CDH18: variants seen among roughly 807,000 people sequenced by gnomAD.
CDH18 encodes the protein cadherin 18.
A neutral mutation model predicts 67.9 loss-of-function variants in CDH18; 31 were observed. That is an observed-to-expected ratio of 0.46 (90% CI 0.34 to 0.62). CDH18 has a LOEUF of 0.62. CDH18 is among the 20% of genes least tolerant of loss of function. The probability of loss-of-function intolerance (pLI) is 0.01; values close to 1 mark genes in which losing one functional copy is unlikely to be tolerated. For synonymous variants in CDH18, 362 were observed against 347.2 expected (o/e 1.04, Z -0.48); for missense variants, 890 against 975.5 (o/e 0.91, Z 1.17).
intron 2 of CDH18, among the ~76,000 whole-genome samples, chr5:20,254,546 C>G (rs918047523): frequency 2.6e-5 from 4 of 152,132 alleles, no homozygotes; most frequent in African/African-American, 7.2e-5. Flanking sequence ...ACTAGAACAG[C>G]CTTACAAGAG....
chr5:20,401,406 C>T (rs569600400), intron 1 of CDH18, among the ~76,000 whole-genome samples: 2 of 152,134 alleles, frequency 1.3e-5, no homozygotes, highest in East Asian at 3.9e-4. Context: ...AAAAAGTATA[C>T]AAATGTTGAG....
intron 1 of CDH18, among the ~76,000 whole-genome samples, chr5:20,441,743 C>G (rs775385377): frequency 1.3e-5 from 2 of 151,628 alleles, no homozygotes; most frequent in Non-Finnish European, 2.9e-5. Flanking sequence ...TAGGGAACTA[C>G]ATATTGTAAA....
At position 20,549,791 on chromosome 5, in the gene CDH18, T is replaced by C. The variant is rs868630674; in HGVS notation, c.-580+25671A>G. On this transcript the variant is annotated intron_variant, in intron 1 of 14. Coordinates refer to the CDH18 transcript ENST00000507958. ...GCAGTAGAGTGGGGATAGAGAGCTCTAGAAGTCTAGTAGGATCCATGGGGA... is the reference window on the plus strand; with the variant it reads ...GCAGTAGAGTGGGGATAGAGAGCTCCAGAAGTCTAGTAGGATCCATGGGGA... 1.3e-4 allele frequency among the ~76,000 whole-genome samples: 20 copies of C among 152,276 alleles called. No homozygotes were observed. In the South Asian group the frequency reaches 3.9e-3, roughly 30 times the overall value.
At chr5:20,304,460 C>A in intron 1 of CDH18, 1 of 1,539,096 alleles carries the variant, frequency 6.5e-7, no homozygotes, top group Non-Finnish European at 9.0e-7. Context: ...TTTGCATTCA[C>A]CACTGTCACC....
chr5:19,596,329 A>G (rs1159597527), intron 6 of CDH18, among the ~76,000 whole-genome samples: 1 of 152,158 alleles, frequency 6.6e-6, no homozygotes, highest in African/African-American at 2.4e-5. Flanking sequence ...CTATAATGGG[A>G]CACTGTTTTG....
chr5:19,702,113 C>T (rs948335627), intron 5 of CDH18, among the ~76,000 whole-genome samples: 1 of 150,638 alleles, frequency 6.6e-6, no homozygotes, highest in African/African-American at 2.4e-5. Flanking sequence ...CTCCCCGCTA[C>T]ACTCTTCTGC....
intron 2 of CDH18, among the ~76,000 whole-genome samples, chr5:20,056,487 T>G (rs1418299434): frequency 5.3e-5 from 7 of 132,736 alleles, no homozygotes; most frequent in East Asian, 4.3e-4. Context: ...TGTTTTTTTT[T>G]TTTTTTTTTT....
At chr5:19,633,946 T>G (rs985849231) in intron 5 of CDH18, among the ~76,000 whole-genome samples, 2 of 152,152 alleles carry the variant, frequency 1.3e-5, no homozygotes, top group African/African-American at 4.8e-5. Context: ...CCAAACCTTG[T>G]AGGCCCTGGT....
chr5:20,314,738 T>C (rs1191274269), intron 1 of CDH18, among the ~76,000 whole-genome samples: 2 of 152,110 alleles, frequency 1.3e-5, no homozygotes, highest in Non-Finnish European at 2.9e-5. Context: ...TTCTTTTCTA[T>C]ATTGACGTTT....
At chr5:19,767,982 T>C (rs1773302852) in intron 3 of CDH18, among the ~76,000 whole-genome samples, 1 of 152,268 alleles carries the variant, frequency 6.6e-6, no homozygotes, top group South Asian at 2.1e-4. Flanking sequence ...TTTGCTCTAT[T>C]CCCCTCCCTC....
At chr5:20,538,898 G>GTTCTTTTTT (rs1756877744) in intron 1 of CDH18, among the ~76,000 whole-genome samples, 2 of 106,764 alleles carry the variant, frequency 1.9e-5, no homozygotes, top group Non-Finnish European at 3.6e-5. Flanking sequence ...ATAGCCAACT[G>GTTCTTTTTT]TTTTTTTTTT....
chr5:19,681,704 G>A (rs1276285636), intron 5 of CDH18, among the ~76,000 whole-genome samples: 1 of 151,866 alleles, frequency 6.6e-6, no homozygotes, highest in Non-Finnish European at 1.5e-5. Flanking sequence ...GAGAGAGAGA[G>A]ATAATCTTCT....
At chr5:20,574,622 C>T (rs1759013568) in intron 1 of CDH18, among the ~76,000 whole-genome samples, 1 of 152,020 alleles carries the variant, frequency 6.6e-6, no homozygotes, top group Non-Finnish European at 1.5e-5. Flanking sequence ...TCAAATACAT[C>T]AGGACTGCAT....
intron 3 of CDH18, among the ~76,000 whole-genome samples, chr5:19,770,608 T>C (rs1432033324): frequency 9.8e-6 from 1 of 102,226 alleles, no homozygotes; most frequent in African/African-American, 2.6e-5. Flanking sequence ...AAACTTTCCA[T>C]GCCAAAAAAA....
intron 1 of CDH18, among the ~76,000 whole-genome samples, chr5:20,278,393 G>C (rs1745971606): frequency 6.6e-6 from 1 of 151,744 alleles, no homozygotes; most frequent in South Asian, 2.1e-4. Flanking sequence ...AAAAATCCCA[G>C]AATAGGATAT....
chr5:20,200,280 C>G (rs867006060), intron 2 of CDH18, among the ~76,000 whole-genome samples: 11 of 152,220 alleles, frequency 7.2e-5, no homozygotes, highest in Middle Eastern at 3.4e-3. Flanking sequence ...AGATTCAAAT[C>G]AGCAATCAGA....
chr5:19,902,095 C>T (rs1365322875), intron 2 of CDH18, among the ~76,000 whole-genome samples: 1 of 152,038 alleles, frequency 6.6e-6, no homozygotes, highest in East Asian at 1.9e-4. Flanking sequence ...ATACTGACGT[C>T]AATTTTAACA....
intron 2 of CDH18, among the ~76,000 whole-genome samples, chr5:19,869,124 A>G (rs1373857750): frequency 6.6e-6 from 1 of 152,188 alleles, no homozygotes; most frequent in Non-Finnish European, 1.5e-5. Flanking sequence ...CCATATGCAC[A>G]CTAGAATGCC....
chr5:20,415,753 G>A (rs1483028271), intron 1 of CDH18, among the ~76,000 whole-genome samples: 1 of 151,938 alleles, frequency 6.6e-6, no homozygotes, highest in Non-Finnish European at 1.5e-5. Flanking sequence ...TCCAGCCTGG[G>A]TGACAGAGCA....
Sources: allele counts gnomAD v4.1 joint callset (sites outside exome capture counted in the v4.1 genomes callset), GRCh38; gene constraint gnomAD v4.1.1; transcripts MANE v1.5; gene names NCBI Gene and HGNC (gene_info 2026-07-23, HGNC 2026-07-21).